ADAM12: variants seen among roughly 807,000 people sequenced by gnomAD.
The protein encoded by ADAM12 is ADAM metallopeptidase domain 12.
In ADAM12, 70 loss-of-function variants were observed where a neutral mutation model predicts 106.4. That is an observed-to-expected ratio of 0.66 (90% CI 0.54 to 0.80). The LOEUF (loss-of-function observed/expected upper bound fraction) is 0.80. Ranked by LOEUF, ADAM12 falls within the 30% of genes least tolerant of loss-of-function variation. ADAM12 has a pLI of 0.00. For synonymous variants in ADAM12, 420 were observed against 433.5 expected, an observed-to-expected ratio of 0.97 and a Z score of 0.39; for missense variants, 1,010 against 1,171.9, an observed-to-expected ratio of 0.86 and a Z score of 2.02.
intron 21 of ADAM12, among the ~76,000 whole-genome samples, chr10:126,031,466 C>G (rs182280127): frequency 9.2e-5 from 14 of 152,304 alleles, no homozygotes; most frequent in African/African-American, 3.1e-4. Context: ...CAGCACCTGA[C>G]TGATCTACAA....
In ADAM12 at chr10:126,101,232, G is replaced by T; in HGVS notation, c.751C>A (p.Pro251Thr). The change falls in exon 9 of 23, where the codon CCA (proline) becomes ACA (threonine). Residue 251 changes from proline to threonine, a missense_variant. Physicochemically the swap from Pro to Thr is conservative, Grantham distance 38. Around this residue, in one of 3 missense-constraint regions of ADAM12, gnomAD observed 391 missense variants for 442.9 expected, o/e 0.88. Transcript: ENST00000448723. ...ACCAACACGATCCGAATGTTCAGTGGTCTGTAAAACTGGGCAAAACAGGCA... is the reference window on the plus strand; with the variant it reads ...ACCAACACGATCCGAATGTTCAGTGTTCTGTAAAACTGGGCAAAACAGGCA... ...IANHVDKFYR[P>T]LNIRIVLVGV... is the part of the protein sequence containing the mutation. 1 of 1,613,844 alleles carries T rather than the reference G, an allele frequency of 6.2e-7. No homozygotes were observed. The highest frequency in any genetic ancestry group is 8.5e-7 in the Non-Finnish European group (1 of 1,179,850).
intron 20 of ADAM12, among the ~76,000 whole-genome samples, chr10:126,037,312 A>T (rs1954078514): frequency 3.1e-5 from 4 of 130,876 alleles, no homozygotes; most frequent in South Asian, 2.3e-4. Context: ...ATAGAGCTGC[A>T]TTTTTCTTTT....
intron 5 of ADAM12, among the ~76,000 whole-genome samples, chr10:126,132,532 C>G (rs947176980): frequency 1.7e-4 from 24 of 141,902 alleles, no homozygotes; most frequent in South Asian, 1.6e-3. Context: ...ACACCCCCCC[C>G]CCCTCAACTA....
intron 3 of ADAM12, among the ~76,000 whole-genome samples, chr10:126,230,014 C>A (rs1273600056): frequency 6.6e-6 from 1 of 152,184 alleles, no homozygotes; most frequent in African/African-American, 2.4e-5. Context: ...CCAATTCCTA[C>A]CTGCCCTTTA....
intron 5 of ADAM12, among the ~76,000 whole-genome samples, chr10:126,130,457 C>A (rs1301539127): frequency 1.3e-5 from 2 of 152,218 alleles, no homozygotes; most frequent in Non-Finnish European, 2.9e-5. Flanking sequence ...CCCATTCCCT[C>A]TTGGTGGCTG....
intron 5 of ADAM12, chr10:126,135,356 A>C: frequency 1.9e-6 from 1 of 521,034 alleles, no homozygotes; most frequent in South Asian, 3.2e-5. Context: ...ACCAGGCCTG[A>C]GGATGGCACT....
chr10:126,040,120 C>T (rs1297831874), intron 18 of ADAM12, among the ~76,000 whole-genome samples: 1 of 152,100 alleles, frequency 6.6e-6, no homozygotes, highest in African/African-American at 2.4e-5. Flanking sequence ...CAGTTAAGAG[C>T]CTCCTCAAGG....
intron 12 of ADAM12, among the ~76,000 whole-genome samples, chr10:126,070,165 G>GT (rs1452789533): frequency 1.3e-5 from 2 of 152,170 alleles, no homozygotes; most frequent in Non-Finnish European, 2.9e-5. Context: ...ACCCATGATG[G>GT]TTTTAAGTTT....
intron 11 of ADAM12, among the ~76,000 whole-genome samples, chr10:126,077,103 C>A (rs1955117648): frequency 6.6e-6 from 1 of 152,094 alleles, no homozygotes; most frequent in Non-Finnish European, 1.5e-5. Context: ...TTTCTCTACA[C>A]CAATAATGTT....
chr10:126,029,281 C>T (rs1953933273), intron 21 of ADAM12, among the ~76,000 whole-genome samples: 2 of 151,952 alleles, frequency 1.3e-5, no homozygotes, highest in Admixed American at 6.6e-5. Flanking sequence ...TTCTATTATA[C>T]ACGCATGCAT....
chr10:126,277,507 C>T (rs954670290), intron 3 of ADAM12, among the ~76,000 whole-genome samples: 6 of 152,064 alleles, frequency 3.9e-5, no homozygotes, highest in African/African-American at 1.4e-4. Context: ...CAGGGAATGC[C>T]TAGCTTCTTC....
In ADAM12 at chr10:126,071,469, GT is replaced by G. The variant is rs1483274994; in HGVS notation, c.1323+7del. Reference sequence around the variant, plus strand: ...TTCTTGTATCCTTGTTCTGGGAATGGTTCTTACCTCTGGCTCCCCACAGTCA... The same window carrying G: ...TTCTTGTATCCTTGTTCTGGGAATGGTCTTACCTCTGGCTCCCCACAGTCA... On this transcript the variant is annotated splice_region_variant and intron_variant, in intron 12 of 22. Transcript: ENST00000448723. 1 of 1,613,452 alleles carries G rather than the reference GT, an allele frequency of 6.2e-7. No individual in the cohort carries two copies. The highest frequency in any genetic ancestry group is 8.5e-7 in the Non-Finnish European group (1 of 1,179,774).
At position 126,203,843 on chromosome 10, in the gene ADAM12, CCTGTGATGGACTTCACCCT is replaced by C. The variant is rs1205397792; in HGVS notation, c.261-48557_261-48539del. Among the ~76,000 whole-genome samples the C allele has an allele frequency of 4.3e-4, 65 of 152,204 alleles. No homozygotes were observed. In the East Asian group the frequency reaches 0.012, roughly 29 times the overall value. On this transcript the variant is annotated intron_variant, in intron 3 of 22. Coordinates refer to ENST00000448723, the MANE Select transcript of ADAM12 (RefSeq NM_001288973.2). ...CAGTTCTGTGTTGGGAGTGTGGCTG[CCTGTGATGGACTTCACCCT>C]CTGTGGTGGACTTCACTCTCTGTGG...
chr10:126,071,512 C>G lies in ADAM12; in HGVS notation c.1288G>C (p.Glu430Gln), dbSNP rs750997195. ...CCACAGTCACACTCCTCTCCTTCTTCCACAAATCTGTTCCCACACTTCTGG... is the reference window on the plus strand; with the variant it reads ...CCACAGTCACACTCCTCTCCTTCTTGCACAAATCTGTTCCCACACTTCTGG... ...GGQKCGNRFV[E>Q]EGEECDCGEP... The change falls in exon 12 of 23, where the codon GAA becomes CAA. Residue 430 changes from glutamate (E) to glutamine (Q), a missense_variant. By Grantham distance (29) the Glu-to-Gln change is conservative (BLOSUM62 2). Around this residue, in one of 3 missense-constraint regions of ADAM12, gnomAD observed 615 missense variants for 708.5 expected, o/e 0.87. Transcript: ENST00000448723. 1 of 1,614,156 alleles carries G rather than the reference C, an allele frequency of 6.2e-7. No individual in the cohort carries two copies. Among genetic ancestry groups the G allele is most frequent in the South Asian group, 1.1e-5 (1 of 91,078 alleles).
intron 1 of ADAM12, among the ~76,000 whole-genome samples, chr10:126,381,062 A>G (rs1172092240): frequency 6.6e-6 from 1 of 152,232 alleles, no homozygotes; most frequent in African/African-American, 2.4e-5. Flanking sequence ...AAATTTTGTT[A>G]CAGTTTCCAC....
chr10:126,318,202 C>A (rs1199890284), intron 2 of ADAM12, among the ~76,000 whole-genome samples: 4 of 152,096 alleles, frequency 2.6e-5, no homozygotes, highest in African/African-American at 9.7e-5. Flanking sequence ...TGCTAGAACA[C>A]ACACACACAC....
rs763319398 is a variant in ADAM12 at position 126,066,428 on chromosome 10, C to T, written c.1413+289G>A. ...ATAGTAGAACCCCATGTGCCTCTGA[C>T]GGCACAAATGGAGCATTTAAAGTTG... On this transcript the variant is annotated intron_variant, in intron 13 of 22. Transcript: ENST00000448723. This position sits in a 1 kb window ranked among gnomAD's most constrained non-coding sequence, Gnocchi z 5.1. Among the ~76,000 whole-genome samples, 5 of 152,318 alleles carry T rather than the reference C, an allele frequency of 3.3e-5. No individual in the cohort carries two copies. The highest frequency in any genetic ancestry group is 2.1e-4 in the South Asian group (1 of 4,826).
At chr10:126,188,699 T>C (rs1290838857) in intron 3 of ADAM12, among the ~76,000 whole-genome samples, 2 of 152,240 alleles carry the variant, frequency 1.3e-5, no homozygotes, top group African/African-American at 4.8e-5. Context: ...TCCCCTCATC[T>C]TACCTTTGGG....
At chr10:126,312,271 G>C (rs77298143) in intron 2 of ADAM12, among the ~76,000 whole-genome samples, 1 of 152,118 alleles carries the variant, frequency 6.6e-6, no homozygotes, top group Non-Finnish European at 1.5e-5. Context: ...GAGCACCAGC[G>C]GGGGACACAA....
Sources: allele counts gnomAD v4.1 joint callset (sites outside exome capture counted in the v4.1 genomes callset), GRCh38; gene constraint gnomAD v4.1.1; regional missense constraint gnomAD v4.1.1; non-coding constraint Gnocchi (gnomAD v3.1); transcripts MANE v1.5; gene names NCBI Gene and HGNC (gene_info 2026-07-23, HGNC 2026-07-21).